OLFM1: variants seen among roughly 807,000 people sequenced by gnomAD.
OLFM1 encodes the protein noelin.
OLFM1 carries 9 observed loss-of-function variants against 49.7 expected under a neutral mutation model. The ratio of observed to expected loss-of-function variants is 0.18; its 90% CI spans 0.11 to 0.32. The LOEUF is 0.32. OLFM1 is among the 10% of genes least tolerant of loss of function. The pLI, the probability that OLFM1 is intolerant of heterozygous loss-of-function variation, is 1.00. For missense variants in OLFM1, 369 were observed against 661.8 expected (o/e 0.56, Z 4.85); for synonymous variants, 240 against 271.8 (o/e 0.88, Z 1.15).
chr9:135,081,406 G>A (rs530767772), intron 1 of OLFM1, among the ~76,000 whole-genome samples: 3 of 152,312 alleles, frequency 2.0e-5, no homozygotes, highest in East Asian at 1.9e-4. Context: ...GTGCCTTTCC[G>A]ACTGTGTGGA....
intron 2 of OLFM1, among the ~76,000 whole-genome samples, chr9:135,093,636 G>A (rs1830745119): frequency 6.6e-6 from 1 of 152,164 alleles, no homozygotes; most frequent in Non-Finnish European, 1.5e-5. Flanking sequence ...GGTAGGGTGT[G>A]GGATAGACTG....
intron 5 of OLFM1, among the ~76,000 whole-genome samples, chr9:135,115,816 G>A (rs1831088863): frequency 2.0e-5 from 3 of 152,222 alleles, no homozygotes; most frequent in Admixed American, 6.5e-5. Context: ...AAAATGGGGC[G>A]ATCACGGCTC....
intron 2 of OLFM1, among the ~76,000 whole-genome samples, chr9:135,091,897 T>TCACACACA (rs56288353): frequency 8.1e-4 from 119 of 147,226 alleles, no homozygotes; most frequent in African/African-American, 2.8e-3. Flanking sequence ...TCACACATAG[T>TCACACACA]CACACACACA....
upstream of OLFM1, chr9:135,086,488 C>T: frequency 2.6e-6 from 1 of 385,970 alleles, no homozygotes; most frequent in Non-Finnish European, 5.2e-6. Context: ...CTCCTTCCGG[C>T]CCGGCGTCCG....
In OLFM1 at chr9:135,120,140, G is replaced by A. The variant is rs1831167234; in HGVS notation, c.1420G>A (p.Val474Met). 2.5e-6 allele frequency: 4 copies of A among 1,613,682 alleles called. No homozygotes were observed. Among genetic ancestry groups the A allele is most frequent in the South Asian group, 1.1e-5 (1 of 91,038 alleles). Residue 474 changes from valine to methionine, a missense_variant, in exon 6 of 6, where the codon GTG becomes ATG. Physicochemically the swap from Val to Met is conservative, Grantham distance 21 (BLOSUM62 1). Coordinates refer to ENST00000371793, the MANE Select transcript of OLFM1 (RefSeq NM_001282611.2). ...WNNGHQILYN[V>M]TLFHVIRSDE... Reference sequence around the variant, plus strand: ...CAACGGCCACCAGATCCTCTACAACGTGACCCTCTTCCACGTCATCCGCTC... The same window carrying A: ...CAACGGCCACCAGATCCTCTACAACATGACCCTCTTCCACGTCATCCGCTC...
chr9:135,087,540 A>C, upstream of OLFM1: 1 of 1,268,608 alleles, frequency 7.9e-7, no homozygotes. Context: ...CGCTGCCAGC[A>C]GCCAGGGGGC....
intron 4 of OLFM1, among the ~76,000 whole-genome samples, chr9:135,104,367 C>T (rs1443064837): frequency 2.6e-5 from 4 of 152,314 alleles, no homozygotes; most frequent in South Asian, 2.1e-4. Context: ...TGGCCTCTGC[C>T]GGCTGCCTGC....
chr9:135,090,386 TTGTGTG>T, intron 2 of OLFM1, 42 bp downstream of exon 2: 2 of 1,202,974 alleles, frequency 1.7e-6, no homozygotes, highest in Admixed American at 2.2e-5. Flanking sequence ...GTGTGTGTGT[TTGTGTG>T]TGTGTGTGTG....
upstream of OLFM1, among the ~76,000 whole-genome samples, chr9:135,086,359 G>A (rs144274497): frequency 7.5e-4 from 115 of 152,374 alleles, no homozygotes; most frequent in Admixed American, 3.0e-3. Context: ...CTCACACCCA[G>A]CACTCAGGCC....
At chr9:135,085,152 C>T (rs921177542), upstream of OLFM1, among the ~76,000 whole-genome samples, 3 of 152,160 alleles carry the variant, frequency 2.0e-5, no homozygotes, top group Admixed American at 2.0e-4. Context: ...CGTGGCTGTT[C>T]TAACCTGTCA....
Position 135,119,732 on chromosome 9 carries a change from T to C in OLFM1, c.1012T>C (p.Tyr338His), listed in dbSNP as rs1189820496. The change falls in exon 6 of 6, where the codon TAT becomes CAT. Residue 338 changes from tyrosine (Y) to histidine (H), a missense_variant. Tyr to His is a moderately conservative substitution (Grantham distance 83). Around this residue, in one of 3 missense-constraint regions of OLFM1, gnomAD observed 294 missense variants for 567.5 expected, o/e 0.52. Coordinates refer to ENST00000371793, the MANE Select transcript of OLFM1 (RefSeq NM_001282611.2). ...CATCCTCAAGACCCGCAGCCTGGAC[T>C]ATGCCGGTTACAACAACATGTACCA... is the stretch of plus-strand genomic sequence containing the variant. ...ETILKTRSLD[Y>H]AGYNNMYHYA... The C allele has an allele frequency of 8.1e-6, 13 of 1,614,018 alleles. No homozygotes were observed. Among genetic ancestry groups the C allele is most frequent in the Non-Finnish European group, 1.1e-5 (13 of 1,180,052 alleles).
chr9:135,087,937 G>T lies in OLFM1; in HGVS notation c.-53G>T. On this transcript the variant is annotated 5_prime_UTR_variant, in exon 1 of 6. Transcript: ENST00000371793. ...TGCCCGCCGCCTGAAGGCCGCCTGG[G>T]CGCGGGAGCCGGTGCCAGCTCGGAG... is the stretch of plus-strand genomic sequence containing the variant. 7.4e-7 allele frequency: 1 copy of T among 1,346,986 alleles called. No individual in the cohort carries two copies. Among genetic ancestry groups the T allele is most frequent in the South Asian group, 1.8e-5 (1 of 56,160 alleles). 83.4% of individuals were successfully genotyped at this position (1,346,986 alleles called of 1,614,324 possible).
intron 2 of OLFM1, among the ~76,000 whole-genome samples, chr9:135,093,611 C>A (rs1830744711): frequency 6.6e-6 from 1 of 152,160 alleles, no homozygotes. Flanking sequence ...CTTCTTAATG[C>A]CTGCTGCCCC....
At chr9:135,105,299 G>T (rs948413732) in intron 4 of OLFM1, among the ~76,000 whole-genome samples, 1 of 152,248 alleles carries the variant, frequency 6.6e-6, no homozygotes, top group African/African-American at 2.4e-5. Flanking sequence ...GAGCAATGCA[G>T]CCCGACTCGA....
chr9:135,093,951 A>G (rs1289913814), intron 2 of OLFM1, among the ~76,000 whole-genome samples: 1 of 152,208 alleles, frequency 6.6e-6, no homozygotes, highest in Non-Finnish European at 1.5e-5. Flanking sequence ...TTTTAAATCT[A>G]AAGTCTAATC....
rs897100349 is a variant in OLFM1 at position 135,098,954 on chromosome 9, T to C, written c.676+449T>C. ...GGAACAAAATTCAATCACATCTCAG[T>C]AGAGCTGCCATTCACAGCACGGGAG... On this transcript the variant is annotated intron_variant, in intron 4 of 5. Coordinates refer to ENST00000371793, the MANE Select transcript of OLFM1 (RefSeq NM_001282611.2). The surrounding 1 kb of genome is among the most constrained non-coding windows in gnomAD (Gnocchi z 5.6). 3.9e-5 allele frequency among the ~76,000 whole-genome samples: 6 copies of C among 152,206 alleles called. No homozygotes were observed. The highest frequency in any genetic ancestry group is 1.4e-4 in the African/African-American group (6 of 41,454).
chr9:135,119,195 A>G (rs950339041), intron 5 of OLFM1, among the ~76,000 whole-genome samples: 13 of 147,636 alleles, frequency 8.8e-5, no homozygotes, highest in Non-Finnish European at 1.5e-4. Context: ...TGGAGTACTC[A>G]CTGGGTCTTT....
intron 5 of OLFM1, among the ~76,000 whole-genome samples, chr9:135,110,948 C>T (rs573714824): frequency 2.0e-4 from 31 of 152,298 alleles, no homozygotes; most frequent in East Asian, 1.9e-4. Context: ...TCCCACTTCC[C>T]GGGGGCTGCA....
intron 1 of OLFM1, among the ~76,000 whole-genome samples, chr9:135,078,709 G>A (rs894543607): frequency 6.6e-5 from 10 of 152,220 alleles, no homozygotes; most frequent in Non-Finnish European, 1.5e-4. Context: ...GGTGGGGCAG[G>A]GCAGGGACTC....
Sources: gnomAD v4.1 joint callset for allele counts (sites outside exome capture counted in the v4.1 genomes callset) on GRCh38, gnomAD v4.1.1 for gene constraint, gnomAD v4.1.1 regional missense constraint, Gnocchi (gnomAD v3.1) non-coding constraint, MANE v1.5 for transcripts, NCBI Gene and HGNC (gene_info 2026-07-23, HGNC 2026-07-21) for gene names.